THADA: variants seen among roughly 807,000 people sequenced by gnomAD.
THADA encodes the protein THADA armadillo repeat containing.
Under a neutral mutation model 219.8 loss-of-function variants are expected in THADA, and 213 were observed. The observed-to-expected ratio is 0.97, with a 90% confidence interval of 0.87 to 1.09. The LOEUF (loss-of-function observed/expected upper bound fraction) is 1.09. THADA is among the 50% of genes least tolerant of loss of function. The pLI is 0.00. For synonymous variants in THADA, 1,018 were observed against 828.9 expected, an observed-to-expected ratio of 1.23 and a Z score of -3.92; for missense variants, 2,956 against 2,311.3, an observed-to-expected ratio of 1.28 and a Z score of -5.72.
chr2:43,354,174 T>G (rs971177918), intron 29 of THADA, among the ~76,000 whole-genome samples: 1 of 152,006 alleles, frequency 6.6e-6, no homozygotes, highest in Admixed American at 6.6e-5. Context: ...CAGGCTGGTC[T>G]TGAACTCCTG....
chr2:43,507,883 T>G (rs939469925), intron 23 of THADA, among the ~76,000 whole-genome samples: 3 of 152,206 alleles, frequency 2.0e-5, no homozygotes, highest in Admixed American at 6.5e-5. Context: ...CATATCTAAA[T>G]GTGCTGATAT....
intron 20 of THADA, among the ~76,000 whole-genome samples, chr2:43,543,743 T>G (rs527990215): frequency 3.9e-5 from 6 of 152,346 alleles, no homozygotes; most frequent in African/African-American, 1.4e-4. Context: ...TAAATTTGTT[T>G]TGAGTTCATT....
chr2:43,334,548 T>C (rs1666170201), intron 30 of THADA, among the ~76,000 whole-genome samples: 1 of 152,164 alleles, frequency 6.6e-6, no homozygotes, highest in African/African-American at 2.4e-5. Flanking sequence ...GAGCCTGTTT[T>C]TCTCACCAGA....
rs555474568 is a variant in THADA, at chr2:43,323,908, G to A, written c.4344-3368C>T. 6.6e-5 allele frequency among the ~76,000 whole-genome samples: 10 copies of A among 152,322 alleles called. No individual in the cohort carries two copies. The South Asian group carries it at 2.1e-3, about 32-fold the overall frequency. On this transcript the variant is annotated intron_variant, in intron 30 of 37. Coordinates refer to ENST00000405975, the MANE Select transcript of THADA (RefSeq NM_022065.5). The stretch of plus-strand genomic sequence containing the variant: ...TTCATTTGGCTTCTCCAGTTCCAAG[G>A]AGCGGCAGCTTGGGAAGATAAGAGA...
chr2:43,284,406 G>A (rs917498573), intron 35 of THADA, among the ~76,000 whole-genome samples: 1 of 152,154 alleles, frequency 6.6e-6, no homozygotes, highest in Non-Finnish European at 1.5e-5. Context: ...AGGGGCCAAG[G>A]TACAGCTCGG....
intron 29 of THADA, among the ~76,000 whole-genome samples, chr2:43,368,562 G>A (rs942071200): frequency 1.3e-5 from 2 of 151,754 alleles, no homozygotes; most frequent in Non-Finnish European, 2.9e-5. Context: ...CACCATGTCC[G>A]GCTATTTTTT....
chr2:43,283,177 G>A (rs202156261), intron 35 of THADA, among the ~76,000 whole-genome samples: 2 of 152,174 alleles, frequency 1.3e-5, no homozygotes, highest in East Asian at 3.9e-4. Flanking sequence ...TGCCATGATT[G>A]TAAGTTTCCT....
Position 43,279,926 on chromosome 2 carries a change from C to G in THADA, c.5165-30G>C, listed in dbSNP as rs199543453. The G allele has an allele frequency of 1.6e-5, 23 of 1,483,824 alleles. No individual in the cohort carries two copies. In the African/African-American group the frequency reaches 2.0e-4, roughly 13 times the overall value. 91.9% of individuals were successfully genotyped at this position (1,483,824 alleles called of 1,614,324 possible). On this transcript the variant is annotated intron_variant, in intron 35 of 37. Coordinates refer to ENST00000405975, the MANE Select transcript of THADA (RefSeq NM_022065.5). ...GAAGACCAAAAGGAATCTGAATTAC[C>G]TAGAATGCAATTAACAGGCAGGTGC...
intron 34 of THADA, among the ~76,000 whole-genome samples, chr2:43,290,922 T>C (rs921660016): frequency 1.3e-5 from 2 of 152,086 alleles, no homozygotes; most frequent in Non-Finnish European, 1.5e-5. Context: ...GTGGGGCGCA[T>C]CTGGGCCTCC....
At chr2:43,475,480 C>A (rs1382478317) in intron 26 of THADA, among the ~76,000 whole-genome samples, 1 of 149,790 alleles carries the variant, frequency 6.7e-6, no homozygotes, top group Non-Finnish European at 1.5e-5. Context: ...CATTATTTGG[C>A]CTTACAAGAA....
intron 20 of THADA, among the ~76,000 whole-genome samples, chr2:43,543,633 G>C (rs1695615498): frequency 6.6e-6 from 1 of 152,200 alleles, no homozygotes; most frequent in African/African-American, 2.4e-5. Context: ...CAGTGATGGT[G>C]AGCATTTTTT....
chr2:43,308,755 TACCAAA>T (rs1191612093), intron 31 of THADA, among the ~76,000 whole-genome samples: 8 of 63,298 alleles, frequency 1.3e-4, no homozygotes, highest in African/African-American at 2.5e-4. Flanking sequence ...TGGATACCCA[TACCAAA>T]AAAAAAAAAA....
chr2:43,593,656 C>CG (rs1336734231), intron 1 of THADA, among the ~76,000 whole-genome samples: 1 of 126,706 alleles, frequency 7.9e-6, no homozygotes, highest in Non-Finnish European at 1.6e-5. Flanking sequence ...TTTTTTGAGA[C>CG]GGAGTCTTGC....
chr2:43,559,842 G>C (rs1697845719), intron 16 of THADA, among the ~76,000 whole-genome samples: 1 of 152,190 alleles, frequency 6.6e-6, no homozygotes, highest in Non-Finnish European at 1.5e-5. Context: ...TCAAGTGTAT[G>C]AAAAAGGGAG....
intron 28 of THADA, among the ~76,000 whole-genome samples, chr2:43,425,470 G>C (rs951830074): frequency 6.6e-6 from 1 of 151,448 alleles, no homozygotes; most frequent in Non-Finnish European, 1.5e-5. Context: ...GTGTGTGTGT[G>C]TGTGTGTGTG....
intron 36 of THADA, among the ~76,000 whole-genome samples, chr2:43,251,147 G>A (rs1420973707): frequency 8.5e-5 from 13 of 152,156 alleles, no homozygotes; most frequent in African/African-American, 2.7e-4. Context: ...TTTCACATCT[G>A]AAATCACCTG....
intron 26 of THADA, among the ~76,000 whole-genome samples, chr2:43,432,772 G>T (rs779080344): frequency 5.9e-5 from 9 of 152,038 alleles, no homozygotes; most frequent in Non-Finnish European, 1.0e-4. Context: ...TTTCCTTGAC[G>T]ACTAATGACG....
rs1665797415 is a variant in THADA at position 43,331,760 on chromosome 2, C to T, written c.4344-11220G>A. Among the ~76,000 whole-genome samples, 3 of 152,186 alleles carry T rather than the reference C, an allele frequency of 2.0e-5. No individual in the cohort carries two copies. In the South Asian group the frequency reaches 6.2e-4, roughly 31 times the overall value. On this transcript the variant is annotated intron_variant, in intron 30 of 37. Coordinates refer to ENST00000405975, the MANE Select transcript of THADA (RefSeq NM_022065.5). ...TCTACCGCCCATCTCAAATATCTAA[C>T]TCCTCTGATAAGGCCTTCCTTGACT... is the stretch of plus-strand genomic sequence containing the variant.
chr2:43,352,938 G>T (rs773733351), intron 29 of THADA, among the ~76,000 whole-genome samples: 2 of 151,896 alleles, frequency 1.3e-5, no homozygotes, highest in Non-Finnish European at 2.9e-5. Flanking sequence ...TTATTCTCCC[G>T]TTCTATATAT....
Sources: allele counts gnomAD v4.1 joint callset (sites outside exome capture counted in the v4.1 genomes callset), GRCh38; gene constraint gnomAD v4.1.1; transcripts MANE v1.5; gene names NCBI Gene and HGNC (gene_info 2026-07-23, HGNC 2026-07-21).